The following LGSN variants were observed in gnomAD, a reference collection of about 807,000 sequenced individuals.
LGSN encodes the protein lengsin.
LGSN carries 21 observed loss-of-function variants against 19.5 expected under a neutral mutation model. The ratio of observed to expected loss-of-function variants is 1.07; its 90% CI spans 0.76 to 1.55. LGSN has a LOEUF of 1.55. LGSN is among the 40% of genes most tolerant of loss of function. LGSN has a pLI of 0.00. For synonymous variants in LGSN, 257 were observed against 215.6 expected, an observed-to-expected ratio of 1.19 and a Z score of -1.68; for missense variants, 673 against 608.5, an observed-to-expected ratio of 1.11 and a Z score of -1.12.
chr6:63,379,463 G>A, the LGSN span, among the ~76,000 whole-genome samples: 1 of 152,194 alleles, frequency 6.6e-6, no homozygotes, highest in East Asian at 1.9e-4. Flanking sequence ...GGGATGACTT[G>A]CACCTGGGAG....
At chr6:63,451,816 T>C in the LGSN span, among the ~76,000 whole-genome samples, 1 of 152,136 alleles carries the variant, frequency 6.6e-6, no homozygotes, top group African/African-American at 2.4e-5. Flanking sequence ...TATGCATCAA[T>C]TGAGATGGTC....
chr6:63,535,607 G>T, the LGSN span, among the ~76,000 whole-genome samples: 2 of 152,160 alleles, frequency 1.3e-5, no homozygotes, highest in Admixed American at 1.3e-4. Flanking sequence ...ATAATATGAG[G>T]TATCGAATGT....
chr6:63,358,815 AC>A, the LGSN span, among the ~76,000 whole-genome samples: 93 of 152,168 alleles, frequency 6.1e-4, no homozygotes, highest in African/African-American at 2.1e-3. Flanking sequence ...CTTATTGAAT[AC>A]CCTTTATTTT....
At chr6:63,436,606 G>A in the LGSN span, among the ~76,000 whole-genome samples, 19 of 152,124 alleles carry the variant, frequency 1.2e-4, no homozygotes, top group African/African-American at 4.1e-4. Context: ...CCTTGAAAAC[G>A]AGAAGGCAAT....
chr6:63,450,681 T>C, the LGSN span, among the ~76,000 whole-genome samples: 1 of 145,626 alleles, frequency 6.9e-6, no homozygotes, highest in Non-Finnish European at 1.5e-5. Context: ...TTATAATGGT[T>C]TTTTTTTTTT....
At chr6:63,288,348 C>T (rs970503682) in intron 2 of LGSN, among the ~76,000 whole-genome samples, 1 of 151,540 alleles carries the variant, frequency 6.6e-6, no homozygotes, top group African/African-American at 2.4e-5. Flanking sequence ...ACCTAGGAAT[C>T]AGCCAGAAAG....
At chr6:63,404,898 G>A in the LGSN span, among the ~76,000 whole-genome samples, 56 of 152,008 alleles carry the variant, frequency 3.7e-4, no homozygotes, top group East Asian at 0.011. Context: ...CTGGTGCACT[G>A]CACCCACTAA....
chr6:63,451,028 T>C, the LGSN span, among the ~76,000 whole-genome samples: 1 of 152,174 alleles, frequency 6.6e-6, no homozygotes, highest in Non-Finnish European at 1.5e-5. Context: ...TCCTTTTTTA[T>C]GTCTAGTAAT....
upstream of LGSN, among the ~76,000 whole-genome samples, chr6:63,324,289 A>G (rs936321340): frequency 2.6e-5 from 4 of 152,146 alleles, no homozygotes; most frequent in Admixed American, 2.6e-4. Context: ...CAGATTAAAG[A>G]CTTGAGTTCT....
intron 1 of LGSN, among the ~76,000 whole-genome samples, chr6:63,316,402 T>C (rs928695585): frequency 3.3e-5 from 5 of 152,180 alleles, no homozygotes; most frequent in Non-Finnish European, 5.9e-5. Context: ...GGGCAAGTTA[T>C]GCAAAATCTA....
chr6:63,498,023 A>C, the LGSN span, among the ~76,000 whole-genome samples: 1 of 147,474 alleles, frequency 6.8e-6, no homozygotes, highest in Non-Finnish European at 1.5e-5. Context: ...GGTTCAAGCG[A>C]TTCTCTTGCC....
At chr6:63,409,050 G>A in the LGSN span, among the ~76,000 whole-genome samples, 4 of 152,190 alleles carry the variant, frequency 2.6e-5, no homozygotes, top group South Asian at 8.3e-4. Flanking sequence ...AACTAGGACT[G>A]TAGGTGCACA....
rs537192969 is a variant in LGSN, at chr6:63,319,896, T to C, written c.30+18A>G. On this transcript the variant is annotated intron_variant, in intron 1 of 3. Transcript: ENST00000370657. ...GTCAATATTTTGGTTAAAAACATTT[T>C]AATGATTAGCTTCATACCTCCTGCA... 3.3e-4 allele frequency: 529 copies of C among 1,589,296 alleles called. 4 individuals carry two copies. Among genetic ancestry groups the C allele is most frequent in the Middle Eastern group, 3.2e-3 (19 of 6,004 alleles).
the LGSN span, among the ~76,000 whole-genome samples, chr6:63,432,840 A>T: frequency 1.3e-5 from 2 of 152,234 alleles, no homozygotes; most frequent in Non-Finnish European, 2.9e-5. Context: ...ACATGTTTAC[A>T]CTTCTAGGAA....
the LGSN span, among the ~76,000 whole-genome samples, chr6:63,462,283 C>G: frequency 6.3e-4 from 96 of 152,130 alleles, no homozygotes; most frequent in South Asian, 5.8e-3. Context: ...TATCTGATAC[C>G]TAGTGTCAGG....
At chr6:63,500,578 C>G in the LGSN span, among the ~76,000 whole-genome samples, 1 of 151,496 alleles carries the variant, frequency 6.6e-6, no homozygotes, top group African/African-American at 2.4e-5. Flanking sequence ...TGCACCACCA[C>G]GCCTGGCTAA....
chr6:63,412,753 AAG>A, the LGSN span, among the ~76,000 whole-genome samples: 1 of 64,822 alleles, frequency 1.5e-5, no homozygotes, highest in African/African-American at 1.0e-4. Flanking sequence ...GAAAGAAAGA[AAG>A]AAAGAAAGAA....
At chr6:63,493,951 C>CT in the LGSN span, among the ~76,000 whole-genome samples, 72,171 of 137,644 alleles carry the variant, frequency 0.52, 20,308 homozygotes, top group African/African-American at 0.74. Context: ...GAAATCATTT[C>CT]TTTTTTTTTT....
At chr6:63,281,337 T>TAA (rs1767316680) in intron 3 of LGSN, 117 bp from the exon 4 acceptor site, 20 of 125,986 alleles carry the variant, frequency 1.6e-4, no homozygotes, top group Non-Finnish European at 2.6e-4. Flanking sequence ...ATATAATAAA[T>TAA]ATATATATAT....
Sources: allele counts gnomAD v4.1 joint callset (sites outside exome capture counted in the v4.1 genomes callset), GRCh38; gene constraint gnomAD v4.1.1; transcripts MANE v1.5; gene names NCBI Gene and HGNC (gene_info 2026-07-23, HGNC 2026-07-21).